Variants in SLC25A26 observed in about 807,000 individuals in gnomAD.
SLC25A26 encodes the protein mitochondrial S-adenosylmethionine carrier protein.
In SLC25A26, 36 loss-of-function variants were observed where a neutral mutation model predicts 37.8. The ratio of observed to expected loss-of-function variants is 0.95; its 90% confidence interval spans 0.73 to 1.26. SLC25A26 has a LOEUF of 1.26. Ranked by LOEUF, SLC25A26 falls within the 50% of genes most tolerant of loss-of-function variation. The pLI is 0.00. For missense variants in SLC25A26, 390 were observed against 331.1 expected (o/e 1.18, Z -1.38); for synonymous variants, 129 against 122.5 (o/e 1.05, Z -0.35).
At chr3:66,182,063 C>G (rs1371592217) in intron 1 of SLC25A26, among the ~76,000 whole-genome samples, 2 of 152,150 alleles carry the variant, frequency 1.3e-5, no homozygotes, top group South Asian at 2.1e-4. Context: ...TGACAGCACT[C>G]TCTTTTCTTA....
At chr3:66,254,037 G>A (rs782325103) in intron 3 of SLC25A26, among the ~76,000 whole-genome samples, 2 of 152,210 alleles carry the variant, frequency 1.3e-5, no homozygotes, top group African/African-American at 2.4e-5. Flanking sequence ...CTTGTCAGGC[G>A]AGGGAAGACT....
At chr3:66,291,667 G>A (rs528742037) in intron 5 of SLC25A26, among the ~76,000 whole-genome samples, 24 of 152,284 alleles carry the variant, frequency 1.6e-4, no homozygotes, top group African/African-American at 5.8e-4. Flanking sequence ...TGATCTGAGA[G>A]ACTATGATGA....
chr3:66,138,983 T>A (rs1435887809), intron 1 of SLC25A26, among the ~76,000 whole-genome samples: 1 of 152,132 alleles, frequency 6.6e-6, no homozygotes, highest in Non-Finnish European at 1.5e-5. Flanking sequence ...GTAGATTGAT[T>A]GATTACTTAT....
At chr3:66,227,115 T>C (rs2071792511) in intron 1 of SLC25A26, among the ~76,000 whole-genome samples, 1 of 152,232 alleles carries the variant, frequency 6.6e-6, no homozygotes, top group Non-Finnish European at 1.5e-5. Flanking sequence ...GTGCTTTCAA[T>C]GTTGTGAGTT....
chr3:66,212,469 C>T (rs1163995217), intron 1 of SLC25A26, among the ~76,000 whole-genome samples: 1 of 151,976 alleles, frequency 6.6e-6, no homozygotes, highest in Admixed American at 6.6e-5. Flanking sequence ...GCTTCATAAT[C>T]AGTATATATG....
chr3:66,268,484 A>G (rs17044241), intron 5 of SLC25A26, among the ~76,000 whole-genome samples: 13,644 of 152,270 alleles, frequency 0.09, 795 homozygotes, highest in Admixed American at 0.18. Context: ...ATAATAACAT[A>G]TATCTGAGAA....
chr3:66,315,084 T>C (rs913117499), intron 5 of SLC25A26, among the ~76,000 whole-genome samples: 1 of 95,324 alleles, frequency 1.0e-5, no homozygotes, highest in Non-Finnish European at 2.3e-5. Flanking sequence ...TCTTTGATTT[T>C]TTTTTTTTTT....
At chr3:66,163,635 C>A (rs2070388867) in intron 1 of SLC25A26, among the ~76,000 whole-genome samples, 1 of 152,172 alleles carries the variant, frequency 6.6e-6, no homozygotes, top group Admixed American at 6.5e-5. Flanking sequence ...TCTCTCTAGG[C>A]CTGGCCAGCC....
chr3:66,352,471 T>C (rs573946588), intron 6 of SLC25A26, among the ~76,000 whole-genome samples: 3 of 150,996 alleles, frequency 2.0e-5, no homozygotes, highest in African/African-American at 7.4e-5. Context: ...ACCAAGGCCT[T>C]TACATTTGTA....
chr3:66,306,733 A>C (rs1456568978), intron 5 of SLC25A26, among the ~76,000 whole-genome samples: 2 of 151,884 alleles, frequency 1.3e-5, no homozygotes, highest in African/African-American at 2.4e-5. Context: ...TTCACCTCCC[A>C]CTTATGAGCA....
intron 3 of SLC25A26, among the ~76,000 whole-genome samples, chr3:66,257,443 C>A (rs2073348192): frequency 6.6e-6 from 1 of 152,162 alleles, no homozygotes; most frequent in Non-Finnish European, 1.5e-5. Context: ...GGGCCGCAGA[C>A]CCTCAGCCAG....
At chr3:66,175,278 G>A (rs964802805) in intron 1 of SLC25A26, among the ~76,000 whole-genome samples, 1 of 151,820 alleles carries the variant, frequency 6.6e-6, no homozygotes, top group East Asian at 1.9e-4. Context: ...AGGCTGAACT[G>A]TTGTGGCATG....
At chr3:66,302,934 T>C (rs1042331018) in intron 5 of SLC25A26, among the ~76,000 whole-genome samples, 4 of 152,170 alleles carry the variant, frequency 2.6e-5, no homozygotes, top group African/African-American at 9.6e-5. Context: ...AGATAACTGA[T>C]GCCTTAGAGC....
chr3:66,194,821 G>A (rs2071015473), intron 1 of SLC25A26, among the ~76,000 whole-genome samples: 1 of 152,146 alleles, frequency 6.6e-6, no homozygotes, highest in Non-Finnish European at 1.5e-5. Flanking sequence ...GGCTGGTCTC[G>A]GACTCCCGAC....
At position 66,206,894 on chromosome 3, in the gene SLC25A26, CTTTTTTT is replaced by C. The variant is rs1192766670; in HGVS notation, c.-353-13833_-353-13827del. ...ACCCCTGGCTAATTTTTCTTTCTTT[CTTTTTTT>C]TTTTTTTTTTTTTTAACACGGAGTT... On this transcript the variant is annotated intron_variant, in intron 1 of 10. Coordinates refer to the SLC25A26 transcript ENST00000676754. Among the ~76,000 whole-genome samples, 29 of 124,570 alleles carry C rather than the reference CTTTTTTT, an allele frequency of 2.3e-4. No homozygotes were observed. In the East Asian group the frequency reaches 4.2e-3, roughly 18 times the overall value. 81.7% of individuals were successfully genotyped at this position (124,570 alleles called of 152,430 possible). A position where few individuals can be genotyped will look rare whatever the true frequency, so the allele number is the denominator to read the frequency against.
intron 6 of SLC25A26, chr3:66,356,034 T>C: frequency 2.2e-6 from 1 of 456,308 alleles, no homozygotes; most frequent in Non-Finnish European, 4.4e-6. Context: ...CTTGTAGGGT[T>C]GGAAGCCATA....
intron 5 of SLC25A26, among the ~76,000 whole-genome samples, chr3:66,286,559 A>G (rs1007029501): frequency 6.6e-6 from 1 of 152,182 alleles, no homozygotes; most frequent in African/African-American, 2.4e-5. Flanking sequence ...ATCTGTATAT[A>G]TAGGTTCCAA....
At chr3:66,233,766 G>A (rs1296291494) in intron 1 of SLC25A26, among the ~76,000 whole-genome samples, 1 of 152,064 alleles carries the variant, frequency 6.6e-6, no homozygotes, top group Non-Finnish European at 1.5e-5. Context: ...ATCGATAGAA[G>A]CGTTTAGTAA....
At chr3:66,220,795 C>T, upstream of SLC25A26, 2 of 499,292 alleles carry the variant, frequency 4.0e-6, no homozygotes, top group East Asian at 4.0e-5. Flanking sequence ...ATCTCGGCCA[C>T]GGATCTTTTG....
Sources: gnomAD v4.1 joint callset for allele counts (sites outside exome capture counted in the v4.1 genomes callset) on GRCh38, gnomAD v4.1.1 for gene constraint, MANE v1.5 for transcripts, NCBI Gene and HGNC (gene_info 2026-07-23, HGNC 2026-07-21) for gene names.